The following NTM variants were observed in gnomAD, a reference collection of about 807,000 sequenced individuals.
NTM encodes the protein neurotrimin.
NTM carries 13 observed loss-of-function variants against 42.1 expected under a neutral mutation model. The ratio of observed to expected loss-of-function variants is 0.31; its 90% CI spans 0.20 to 0.49. NTM has a LOEUF of 0.49. NTM is among the 20% of genes least tolerant of loss of function. NTM has a pLI of 0.99. For missense variants in NTM, 373 were observed against 452.8 expected, an observed-to-expected ratio of 0.82 and a Z score of 1.60; for synonymous variants, 187 against 179.2, an observed-to-expected ratio of 1.04 and a Z score of -0.35.
chr11:131,527,042 G>A (rs1016619394), intron 1 of NTM, among the ~76,000 whole-genome samples: 1 of 152,160 alleles, frequency 6.6e-6, no homozygotes, highest in Non-Finnish European at 1.5e-5. Flanking sequence ...TCCGAGCAAT[G>A]ACAAGTCAGC....
At chr11:132,249,330 G>A (rs1407868181) in intron 4 of NTM, among the ~76,000 whole-genome samples, 4 of 152,100 alleles carry the variant, frequency 2.6e-5, no homozygotes, top group Non-Finnish European at 4.4e-5. Context: ...CCTCATGAAC[G>A]TGGTGATCAC....
chr11:131,608,475 A>T (rs1028971023), intron 1 of NTM, among the ~76,000 whole-genome samples: 1 of 152,074 alleles, frequency 6.6e-6, no homozygotes, highest in Non-Finnish European at 1.5e-5. Flanking sequence ...ATTAAGAAAG[A>T]AAGTTCTTTT....
At chr11:132,060,065 A>G (rs1443751094) in intron 2 of NTM, among the ~76,000 whole-genome samples, 1 of 152,150 alleles carries the variant, frequency 6.6e-6, no homozygotes, top group African/African-American at 2.4e-5. Context: ...TGCATCCAGG[A>G]GGGGATTCTT....
At chr11:131,658,685 A>C (rs549193243) in intron 1 of NTM, among the ~76,000 whole-genome samples, 56 of 152,292 alleles carry the variant, frequency 3.7e-4, no homozygotes, top group African/African-American at 1.3e-3. Flanking sequence ...AAAAGGTGTA[A>C]GCGGCCGGAC....
Position 131,494,794 on chromosome 11 carries a change from A to G in NTM, c.82+123906A>G, listed in dbSNP as rs570770948. 4.6e-5 allele frequency among the ~76,000 whole-genome samples: 7 copies of G among 152,318 alleles called. No individual in the cohort carries two copies. In the South Asian group the frequency reaches 1.2e-3, roughly 27 times the overall value. On this transcript the variant is annotated intron_variant, in intron 1 of 8. Transcript: ENST00000683400. ...CCCTGCAAGTTCCCGTCCACTGTGA[A>G]CATTCATTCTGGGGTTTATGTCATA...
intron 1 of NTM, among the ~76,000 whole-genome samples, chr11:131,416,462 C>G (rs1283254877): frequency 1.3e-5 from 2 of 152,206 alleles, no homozygotes; most frequent in East Asian, 3.8e-4. Flanking sequence ...GAACTCCCTT[C>G]TACCCATCAA....
At chr11:132,174,376 G>C (rs900752305) in intron 3 of NTM, among the ~76,000 whole-genome samples, 1 of 152,168 alleles carries the variant, frequency 6.6e-6, no homozygotes, top group African/African-American at 2.4e-5. Context: ...AATGACCCCT[G>C]TACTTATGTG....
chr11:131,709,924 A>G (rs533669435), intron 1 of NTM, among the ~76,000 whole-genome samples: 109 of 152,216 alleles, frequency 7.2e-4, no homozygotes, highest in African/African-American at 2.2e-3. Context: ...AAAACAGGAG[A>G]GTGTGCTATC....
At chr11:132,021,491 A>G (rs1299166141) in intron 2 of NTM, among the ~76,000 whole-genome samples, 1 of 152,020 alleles carries the variant, frequency 6.6e-6, no homozygotes, top group East Asian at 1.9e-4. Context: ...ATTTTAGCAA[A>G]TATTCCTAGC....
intron 4 of NTM, among the ~76,000 whole-genome samples, chr11:132,250,982 C>A (rs1294122862): frequency 6.6e-6 from 1 of 152,038 alleles, no homozygotes; most frequent in East Asian, 1.9e-4. Flanking sequence ...AATTTTGAGC[C>A]CTAAAATGAA....
intron 1 of NTM, among the ~76,000 whole-genome samples, chr11:131,739,115 G>A (rs2080857475): frequency 1.3e-5 from 2 of 151,874 alleles, no homozygotes; most frequent in Non-Finnish European, 2.9e-5. Flanking sequence ...GAGATTCCAT[G>A]CCTCAGTGGA....
intron 2 of NTM, among the ~76,000 whole-genome samples, chr11:131,916,505 T>G (rs1375364059): frequency 1.3e-5 from 2 of 152,160 alleles, no homozygotes; most frequent in African/African-American, 2.4e-5. Flanking sequence ...GAGAAATGTA[T>G]GTAATTTTGG....
intron 3 of NTM, among the ~76,000 whole-genome samples, chr11:132,196,911 A>G (rs1157202978): frequency 2.0e-5 from 3 of 152,198 alleles, no homozygotes; most frequent in Non-Finnish European, 2.9e-5. Context: ...AAACCTGCAC[A>G]TGTACTCCCT....
chr11:131,599,596 A>G (rs1592178219), intron 1 of NTM, among the ~76,000 whole-genome samples: 1 of 152,364 alleles, frequency 6.6e-6, no homozygotes, highest in East Asian at 1.9e-4. Flanking sequence ...ATAATTATTG[A>G]ATACCTCTGT....
At chr11:131,609,139 C>T (rs375502480) in intron 1 of NTM, among the ~76,000 whole-genome samples, 41 of 152,298 alleles carry the variant, frequency 2.7e-4, no homozygotes, top group African/African-American at 6.0e-4. Context: ...CTGAGCTGGG[C>T]GAAGGCGTGG....
At chr11:131,865,441 A>G (rs2047036978) in intron 1 of NTM, among the ~76,000 whole-genome samples, 1 of 152,224 alleles carries the variant, frequency 6.6e-6, no homozygotes, top group African/African-American at 2.4e-5. Flanking sequence ...AGCTATTCCA[A>G]AGGCAATCAC....
In NTM at chr11:132,175,593, C is replaced by G. The variant is rs564175397; in HGVS notation, c.400+29079C>G. Among the ~76,000 whole-genome samples the G allele has an allele frequency of 4.7e-5, 7 of 150,504 alleles. No individual in the cohort carries two copies. In the South Asian group the frequency reaches 8.3e-4, roughly 18 times the overall value. ...CAGACTAAAAAAATCCTACCCACCC[C>G]CCTTTTTTTTTTCAGACAGAGTCTC... On this transcript the variant is annotated intron_variant, in intron 3 of 8. Coordinates refer to ENST00000683400, the MANE Select transcript of NTM (RefSeq NM_001352005.2).
chr11:132,146,805 T>G lies in NTM; in HGVS notation c.400+291T>G. The G allele has an allele frequency of 2.5e-6, 1 of 399,098 alleles. No individual in the cohort carries two copies. The highest frequency in any genetic ancestry group is 4.4e-6 in the Non-Finnish European group (1 of 225,524). The allele number at this position is 399,098 out of a possible 1,614,324, so 24.7% of individuals were successfully genotyped here. Reference sequence around the variant, plus strand: ...GCTTTTTTCTCCCCTAAGTTTTAGTTATTTTTGTTTGTTTGTTTTTTGTTT... The same window carrying G: ...GCTTTTTTCTCCCCTAAGTTTTAGTGATTTTTGTTTGTTTGTTTTTTGTTT... On this transcript the variant is annotated intron_variant, in intron 3 of 8. Coordinates refer to ENST00000683400, the MANE Select transcript of NTM (RefSeq NM_001352005.2). This position sits in a 1 kb window ranked among gnomAD's most constrained non-coding sequence, Gnocchi z 4.5.
chr11:131,667,075 G>A (rs112094704), intron 1 of NTM, among the ~76,000 whole-genome samples: 4 of 152,186 alleles, frequency 2.6e-5, no homozygotes, highest in African/African-American at 4.8e-5. Context: ...CAATTATGCT[G>A]CAAGGAAGTA....
Sources: allele counts gnomAD v4.1 joint callset (sites outside exome capture counted in the v4.1 genomes callset), GRCh38; gene constraint gnomAD v4.1.1; non-coding constraint Gnocchi (gnomAD v3.1); transcripts MANE v1.5; gene names NCBI Gene and HGNC (gene_info 2026-07-23, HGNC 2026-07-21).